Variants in PKN2 observed in about 807,000 individuals in gnomAD.
PKN2 encodes protein kinase N2.
Under a neutral mutation model 119.1 loss-of-function variants are expected in PKN2, and 38 were observed. That is an observed-to-expected ratio of 0.32 (90% CI 0.25 to 0.42). PKN2 has a LOEUF of 0.42. Ranked by LOEUF, PKN2 falls within the 10% of genes least tolerant of loss-of-function variation. PKN2 has a pLI of 1.00. For missense variants in PKN2, 850 were observed against 1,165.1 expected (o/e 0.73, Z 3.94); for synonymous variants, 390 against 384.9 (o/e 1.01, Z -0.15).
chr1:88,737,811 T>TG (rs1296321311), intron 1 of PKN2, among the ~76,000 whole-genome samples: 8 of 152,220 alleles, frequency 5.3e-5, no homozygotes, highest in Admixed American at 2.0e-4. Context: ...TTACCCCAAG[T>TG]GGGCTGTGTC....
At chr1:88,801,468 C>T (rs998959877) in intron 8 of PKN2, among the ~76,000 whole-genome samples, 1 of 152,140 alleles carries the variant, frequency 6.6e-6, no homozygotes, top group Non-Finnish European at 1.5e-5. Flanking sequence ...CTGTATGGTA[C>T]CTTGTTTTTC....
intron 15 of PKN2, among the ~76,000 whole-genome samples, chr1:88,812,702 C>T (rs1356553270): frequency 1.3e-5 from 2 of 152,104 alleles, no homozygotes; most frequent in Admixed American, 6.5e-5. Context: ...TATCACTGCA[C>T]TCCAGCTCCT....
chr1:88,699,907 C>T (rs1221530657), intron 1 of PKN2, among the ~76,000 whole-genome samples: 8 of 151,928 alleles, frequency 5.3e-5, no homozygotes, highest in African/African-American at 2.4e-5. Context: ...CTCAGCTTCC[C>T]GAGTAGCTAG....
chr1:88,692,813 G>T (rs1476659185), intron 1 of PKN2, among the ~76,000 whole-genome samples: 3 of 152,236 alleles, frequency 2.0e-5, no homozygotes, highest in African/African-American at 7.2e-5. Context: ...TTATGGAGTT[G>T]TGTGGGAGGG....
At chr1:88,702,230 A>G (rs1258947212) in intron 1 of PKN2, among the ~76,000 whole-genome samples, 1 of 152,148 alleles carries the variant, frequency 6.6e-6, no homozygotes, top group Non-Finnish European at 1.5e-5. Context: ...AAGTGCTGGG[A>G]TTACAGGCAT....
chr1:88,811,539 G>A (rs1224747656), intron 15 of PKN2, among the ~76,000 whole-genome samples: 1 of 152,122 alleles, frequency 6.6e-6, no homozygotes, highest in Non-Finnish European at 1.5e-5. Flanking sequence ...TTCTTAGGAG[G>A]AAATCAGTGT....
intron 1 of PKN2, among the ~76,000 whole-genome samples, chr1:88,705,010 TA>T (rs1375674951): frequency 2.0e-5 from 3 of 152,266 alleles, no homozygotes; most frequent in African/African-American, 7.2e-5. Context: ...TGTCTATTTT[TA>T]AAAATTGAGT....
chr1:88,783,062 A>G (rs759646627), intron 6 of PKN2, among the ~76,000 whole-genome samples: 10 of 152,184 alleles, frequency 6.6e-5, no homozygotes, highest in Admixed American at 2.0e-4. Context: ...TCAGTGCCTC[A>G]TGAATTGAGA....
chr1:88,802,328 A>ATT lies in PKN2; in HGVS notation c.1282-2049_1282-2048dup, dbSNP rs1038007038. Among the ~76,000 whole-genome samples, 116 of 144,814 alleles carry ATT rather than the reference A, an allele frequency of 8.0e-4. 1 individual carries two copies. In the Middle Eastern group the frequency reaches 0.015, roughly 18 times the overall value. On this transcript the variant is annotated intron_variant, in intron 8 of 21. Coordinates refer to ENST00000370521, the MANE Select transcript of PKN2 (RefSeq NM_006256.4). ...TCTGTAACATACTTTATAAATTTTA[A>ATT]TTTTTTTTTTTTTTTGAGACAGGGT...
At chr1:88,696,725 A>T (rs756215653) in intron 1 of PKN2, among the ~76,000 whole-genome samples, 2 of 152,146 alleles carry the variant, frequency 1.3e-5, no homozygotes, top group Admixed American at 1.3e-4. Context: ...GTTGGGACAG[A>T]CTATTTTCTG....
intron 16 of PKN2, chr1:88,816,739 C>G (rs1327489495): frequency 6.6e-6 from 1 of 152,178 alleles, no homozygotes; most frequent in Admixed American, 6.6e-5. Flanking sequence ...CTGACCACCA[C>G]CCCTGCAGCA....
intron 8 of PKN2, among the ~76,000 whole-genome samples, chr1:88,788,434 T>C (rs541520828): frequency 6.6e-6 from 1 of 151,946 alleles, no homozygotes; most frequent in Admixed American, 6.6e-5. Flanking sequence ...TAGGGTATAA[T>C]CCAGGATTTT....
chr1:88,685,915 T>G (rs950037), intron 1 of PKN2, among the ~76,000 whole-genome samples: 61,947 of 151,998 alleles, frequency 0.41, 12,775 homozygotes, highest in Admixed American at 0.45. Context: ...GCTTGAAAAC[T>G]TTGGTATAAT....
chr1:88,762,010 G>A (rs1452911379), intron 3 of PKN2, among the ~76,000 whole-genome samples: 1 of 152,082 alleles, frequency 6.6e-6, no homozygotes, highest in Non-Finnish European at 1.5e-5. Context: ...CTACTGCCCT[G>A]TAGAGTAAAG....
chr1:88,831,941 GTT>G (rs1167433124), intron 19 of PKN2, among the ~76,000 whole-genome samples: 2 of 151,908 alleles, frequency 1.3e-5, no homozygotes. Context: ...ATAGTTGAAA[GTT>G]TCTCTCTTTG....
At chr1:88,828,096 G>A (rs1457516016) in intron 18 of PKN2, among the ~76,000 whole-genome samples, 1 of 151,878 alleles carries the variant, frequency 6.6e-6, no homozygotes, top group African/African-American at 2.4e-5. Flanking sequence ...TGGTATTTTT[G>A]AAACTTATTT....
At chr1:88,774,920 G>A (rs1046212544) in intron 6 of PKN2, among the ~76,000 whole-genome samples, 3 of 152,194 alleles carry the variant, frequency 2.0e-5, no homozygotes, top group African/African-American at 7.2e-5. Flanking sequence ...TGTTGCTCAG[G>A]CTTGTCTCAA....
At chr1:88,759,741 C>T (rs1669362447) in intron 2 of PKN2, among the ~76,000 whole-genome samples, 2 of 152,158 alleles carry the variant, frequency 1.3e-5, no homozygotes, top group African/African-American at 4.8e-5. Flanking sequence ...AGGAACACCT[C>T]TGTGCATATA....
At position 88,739,761 on chromosome 1, in the gene PKN2, G is replaced by A. The variant is rs527610800; in HGVS notation, c.49-1227G>A. On this transcript the variant is annotated intron_variant, in intron 1 of 21. Transcript: ENST00000370521. ...TAGAAATAGCTAGAACATAACTTTA[G>A]TTGTTGTAAATATAGATTAGCTGTG... Among the ~76,000 whole-genome samples, 10 of 152,302 alleles carry A rather than the reference G, an allele frequency of 6.6e-5. No homozygotes were observed. The South Asian group carries it at 1.4e-3, about 22-fold the overall frequency.
Sources: gnomAD v4.1 joint callset for allele counts (sites outside exome capture counted in the v4.1 genomes callset) on GRCh38, gnomAD v4.1.1 for gene constraint, MANE v1.5 for transcripts, NCBI Gene and HGNC (gene_info 2026-07-23, HGNC 2026-07-21) for gene names.